The following IPCEF1 variants were observed in gnomAD, a reference collection of about 807,000 sequenced individuals.
IPCEF1 encodes interactor protein for cytohesin exchange factors 1.
IPCEF1 carries 31 observed loss-of-function variants against 50.9 expected under a neutral mutation model. That is an observed-to-expected ratio of 0.61 (90% confidence interval 0.46 to 0.82). The LOEUF (loss-of-function observed/expected upper bound fraction) is 0.82. Ranked by LOEUF, IPCEF1 falls within the 40% of genes least tolerant of loss-of-function variation. The pLI, the probability that IPCEF1 is intolerant of heterozygous loss-of-function variation, is 0.00. For missense variants in IPCEF1, 458 were observed against 514.0 expected, an observed-to-expected ratio of 0.89 and a Z score of 1.05; for synonymous variants, 181 against 192.0, an observed-to-expected ratio of 0.94 and a Z score of 0.47.
chr6:154,155,495 A>C lies in IPCEF1; in HGVS notation c.*4333T>G, dbSNP rs952388259. The C allele has an allele frequency of 1.6e-4, 25 of 152,336 alleles. No individual in the cohort carries two copies. The highest frequency in any genetic ancestry group is 5.3e-4 in the African/African-American group (22 of 41,566). 9.4% of individuals were successfully genotyped at this position (152,336 alleles called of 1,614,324 possible). A position where few individuals can be genotyped will look rare whatever the true frequency, so the allele number is the denominator to read the frequency against. ...TACTCATTAAATCATGTATGTGGCT[A>C]TATCAAAATACTGTCTTTCGGCCAG... On this transcript the variant is annotated 3_prime_UTR_variant, in exon 12 of 12. Coordinates refer to ENST00000367220, the MANE Select transcript of IPCEF1 (RefSeq NM_001130700.2).
chr6:154,344,410 C>T (rs1480270955), intron 1 of IPCEF1, among the ~76,000 whole-genome samples: 3 of 152,182 alleles, frequency 2.0e-5, no homozygotes, highest in African/African-American at 4.8e-5. Context: ...TACTTACATC[C>T]TGTTTTTCAA....
intron 10 of IPCEF1, among the ~76,000 whole-genome samples, chr6:154,169,448 CT>C (rs1216568562): frequency 1.3e-5 from 2 of 152,174 alleles, no homozygotes; most frequent in Admixed American, 1.3e-4. Context: ...TCATCTCCAT[CT>C]TTAAACCCAT....
intron 3 of IPCEF1, among the ~76,000 whole-genome samples, chr6:154,255,499 C>G (rs1249902824): frequency 6.6e-6 from 1 of 152,186 alleles, no homozygotes; most frequent in African/African-American, 2.4e-5. Flanking sequence ...TGCAATGTTT[C>G]TAGTTATGGA....
chr6:154,168,671 T>A lies in IPCEF1; in HGVS notation c.911-558A>T, dbSNP rs1420095168. ...CCCAGGCTAAAGTGAAATGGCACAA[T>A]CTTGGCTCACTGAAACCTACACCTC... On this transcript the variant is annotated intron_variant, in intron 10 of 11. Transcript: ENST00000367220. The surrounding 1 kb of genome is among the most constrained non-coding windows in gnomAD (Gnocchi z 4.1). 1.3e-5 allele frequency among the ~76,000 whole-genome samples: 2 copies of A among 152,054 alleles called. No individual in the cohort carries two copies. The highest frequency in any genetic ancestry group is 4.8e-5 in the African/African-American group (2 of 41,384).
chr6:154,285,815 G>A (rs1326722984), intron 2 of IPCEF1, among the ~76,000 whole-genome samples: 3 of 152,098 alleles, frequency 2.0e-5, no homozygotes, highest in African/African-American at 7.2e-5. Context: ...CTTTATTAGA[G>A]GTGTGAGACC....
chr6:154,344,243 C>G (rs1418926002), intron 1 of IPCEF1, among the ~76,000 whole-genome samples: 1 of 152,196 alleles, frequency 6.6e-6, no homozygotes, highest in African/African-American at 2.4e-5. Flanking sequence ...AACCACTCCA[C>G]GTGTGTCCGT....
intron 5 of IPCEF1, among the ~76,000 whole-genome samples, chr6:154,241,796 T>A (rs1176429097): frequency 6.6e-6 from 1 of 152,118 alleles, no homozygotes; most frequent in Admixed American, 6.6e-5. Context: ...GAGCTCACCT[T>A]CCGGCTCAAG....
intron 9 of IPCEF1, among the ~76,000 whole-genome samples, chr6:154,203,630 C>T (rs912722578): frequency 5.9e-5 from 9 of 152,218 alleles, no homozygotes; most frequent in African/African-American, 1.4e-4. Context: ...ACTTTGGTCT[C>T]CATGGGGTTC....
At position 154,200,122 on chromosome 6, in the gene IPCEF1, C is replaced by T. The variant is rs922983439; in HGVS notation, c.538-82G>A. ...ATTCTCTACCTTTTATTTTCAATCA[C>T]GGTGTCCCCGTGTTATTTCAAAAAG... On this transcript the variant is annotated intron_variant, in intron 9 of 11. Coordinates refer to ENST00000367220, the MANE Select transcript of IPCEF1 (RefSeq NM_001130700.2). 3.3e-5 allele frequency: 42 copies of T among 1,264,590 alleles called. No homozygotes were observed. In the Admixed American group the frequency reaches 7.0e-4, roughly 21 times the overall value. The allele number at this position is 1,264,590 out of a possible 1,614,324, so 78.3% of individuals were successfully genotyped here.
chr6:154,168,941 A>G lies in IPCEF1; in HGVS notation c.911-828T>C, dbSNP rs566461285. 1.3e-5 allele frequency among the ~76,000 whole-genome samples: 2 copies of G among 152,142 alleles called. No individual in the cohort carries two copies. The highest frequency in any genetic ancestry group is 2.1e-4 in the South Asian group (1 of 4,802). ...ATTTTAGAGGGACACAATTCAACCC[A>G]TACATAGTCCACCCTCCGGCCTCCT... On this transcript the variant is annotated intron_variant, in intron 10 of 11. Coordinates refer to ENST00000367220, the MANE Select transcript of IPCEF1 (RefSeq NM_001130700.2). The surrounding 1 kb of genome is among the most constrained non-coding windows in gnomAD (Gnocchi z 4.1).
At chr6:154,228,249 TGAGCTCAG>T (rs1779425471) in intron 5 of IPCEF1, among the ~76,000 whole-genome samples, 1 of 151,980 alleles carries the variant, frequency 6.6e-6, no homozygotes. Context: ...AAAGATCACT[TGAGCTCAG>T]GAGTTCAAGA....
intron 5 of IPCEF1, among the ~76,000 whole-genome samples, chr6:154,243,517 G>C (rs1216467398): frequency 6.6e-6 from 1 of 152,202 alleles, no homozygotes. Flanking sequence ...AAACAGAAGA[G>C]AGGTGAGGCT....
At chr6:154,191,302 G>A (rs1801859080) in intron 10 of IPCEF1, among the ~76,000 whole-genome samples, 1 of 152,144 alleles carries the variant, frequency 6.6e-6, no homozygotes, top group Non-Finnish European at 1.5e-5. Flanking sequence ...AAACTAGTCT[G>A]TATGATACTG....
In IPCEF1 at chr6:154,345,159, C is replaced by T. The variant is rs146688859; in HGVS notation, c.-62+11513G>A. The stretch of plus-strand genomic sequence containing the variant: ...TGCTGGGATTACAGGCATGAGCCAC[C>T]GTATCCAGTCGGTTCTTTTGTTTAA... On this transcript the variant is annotated intron_variant, in intron 1 of 11. Coordinates refer to ENST00000367220, the MANE Select transcript of IPCEF1 (RefSeq NM_001130700.2). Among the ~76,000 whole-genome samples, 210 of 152,314 alleles carry T rather than the reference C, an allele frequency of 1.4e-3. 1 individual carries two copies. The highest frequency in any genetic ancestry group is 3.4e-3 in the Middle Eastern group (1 of 294).
Position 154,159,295 on chromosome 6 carries a change from G to A in IPCEF1, c.*533C>T, listed in dbSNP as rs1211137901. On this transcript the variant is annotated 3_prime_UTR_variant, in exon 12 of 12. Coordinates refer to ENST00000367220, the MANE Select transcript of IPCEF1 (RefSeq NM_001130700.2). ...AAGCATTTCTCATCACATGGAAAAG[G>A]CACCACCATTCCATACCAAAGGCAA... is the stretch of plus-strand genomic sequence containing the variant. The A allele has an allele frequency of 6.3e-6, 1 of 159,206 alleles. No individual in the cohort carries two copies. Among genetic ancestry groups the A allele is most frequent in the Non-Finnish European group, 1.4e-5 (1 of 73,260 alleles). The allele number at this position is 159,206 out of a possible 1,614,324, so 9.9% of individuals were successfully genotyped here.
intron 10 of IPCEF1, among the ~76,000 whole-genome samples, chr6:154,192,984 G>C (rs529054188): frequency 2.0e-5 from 3 of 152,262 alleles, no homozygotes; most frequent in African/African-American, 7.2e-5. Context: ...ACTAAAAGCA[G>C]AACTACAATT....
chr6:154,278,978 A>AAAGCGT (rs1782137215), intron 2 of IPCEF1, among the ~76,000 whole-genome samples: 1 of 150,128 alleles, frequency 6.7e-6, no homozygotes, highest in African/African-American at 2.4e-5. Flanking sequence ...AAAAAAAAAA[A>AAAGCGT]GCTGGTCATG....
At chr6:154,302,440 T>A (rs1782819629) in intron 1 of IPCEF1, among the ~76,000 whole-genome samples, 1 of 152,200 alleles carries the variant, frequency 6.6e-6, no homozygotes, top group Non-Finnish European at 1.5e-5. Flanking sequence ...GGACTTTGGA[T>A]AAACTATTAT....
At chr6:154,321,186 C>T (rs1318962796) in intron 1 of IPCEF1, among the ~76,000 whole-genome samples, 3 of 152,104 alleles carry the variant, frequency 2.0e-5, no homozygotes, top group Non-Finnish European at 1.5e-5. Flanking sequence ...CCATCTCAAC[C>T]TCCCAAAGTG....
Sources: gnomAD v4.1 joint callset for allele counts (sites outside exome capture counted in the v4.1 genomes callset) on GRCh38, gnomAD v4.1.1 for gene constraint, Gnocchi (gnomAD v3.1) non-coding constraint, MANE v1.5 for transcripts, NCBI Gene and HGNC (gene_info 2026-07-23, HGNC 2026-07-21) for gene names.